CD8B2: variants seen among roughly 807,000 people sequenced by gnomAD.
CD8B2 encodes the protein T-cell surface glycoprotein CD8 beta-2 chain.
A neutral mutation model predicts 23.7 loss-of-function variants in CD8B2; 11 were observed. The ratio of observed to expected loss-of-function variants is 0.46; its 90% confidence interval spans 0.29 to 0.77. CD8B2 has a LOEUF of 0.77. Among genes scored for constraint, CD8B2 ranks in the 30% least tolerant of loss-of-function variants. The pLI is 0.09. For synonymous variants in CD8B2, 90 were observed against 109.3 expected (o/e 0.82, Z 1.10); for missense variants, 197 against 270.5 (o/e 0.73, Z 1.91).
chr2:106,534,094 C>A (rs1032397080), intron 5 of CD8B2, among the ~76,000 whole-genome samples: 3 of 152,236 alleles, frequency 2.0e-5, no homozygotes, highest in Admixed American at 6.5e-5. Context: ...AGAGCAGGAA[C>A]CACTGTGGGT....
At chr2:106,537,086 G>T (rs908891830) in intron 5 of CD8B2, among the ~76,000 whole-genome samples, 8 of 152,082 alleles carry the variant, frequency 5.3e-5, no homozygotes, top group African/African-American at 1.9e-4. Context: ...TCTGGTCTTC[G>T]TCACCACCCC....
intron 5 of CD8B2, chr2:106,537,953 T>A (rs1680114808): frequency 6.6e-6 from 1 of 152,104 alleles, no homozygotes; most frequent in African/African-American, 2.4e-5. Flanking sequence ...AAATGAGAAG[T>A]CTCTGTGAGG....
intron 2 of CD8B2, among the ~76,000 whole-genome samples, chr2:106,491,740 G>C (rs1679200589): frequency 1.3e-5 from 2 of 152,074 alleles, no homozygotes; most frequent in African/African-American, 4.8e-5. Flanking sequence ...GTGGAGACGA[G>C]ATTTCACCAT....
intron 5 of CD8B2, among the ~76,000 whole-genome samples, chr2:106,539,622 A>G (rs1680142302): frequency 6.6e-6 from 1 of 152,170 alleles, no homozygotes; most frequent in African/African-American, 2.4e-5. Context: ...TTTCACACAA[A>G]CACCAAAAAC....
At chr2:106,531,799 C>T (rs1319531473) in intron 5 of CD8B2, among the ~76,000 whole-genome samples, 2 of 152,200 alleles carry the variant, frequency 1.3e-5, no homozygotes, top group African/African-American at 4.8e-5. Context: ...ACCTTTTCCT[C>T]AAGGTCTACA....
intron 2 of CD8B2, among the ~76,000 whole-genome samples, chr2:106,495,508 C>T (rs1369069068): frequency 1.3e-5 from 2 of 152,092 alleles, no homozygotes; most frequent in African/African-American, 4.8e-5. Context: ...CACTGCCCTC[C>T]AGCCTGGGCT....
chr2:106,542,967 C>A (rs1680200571), intron 5 of CD8B2: 1 of 152,026 alleles, frequency 6.6e-6, no homozygotes, highest in Non-Finnish European at 1.5e-5. Flanking sequence ...GAAAGAGGAG[C>A]GCTCGGCCAT....
intron 5 of CD8B2, among the ~76,000 whole-genome samples, chr2:106,527,803 CA>C (rs1164963595): frequency 2.3e-4 from 6 of 25,860 alleles, no homozygotes; most frequent in African/African-American, 6.3e-4. Flanking sequence ...CAAAACAAAA[CA>C]AAAAACAAAC....
chr2:106,519,642 C>A (rs1227993694), intron 5 of CD8B2, among the ~76,000 whole-genome samples: 6 of 152,174 alleles, frequency 3.9e-5, no homozygotes, highest in African/African-American at 1.4e-4. Flanking sequence ...CATGCAGGCC[C>A]AGAGAGCAGA....
chr2:106,525,504 AG>A (rs1679893872), intron 5 of CD8B2, among the ~76,000 whole-genome samples: 1 of 152,222 alleles, frequency 6.6e-6, no homozygotes, highest in South Asian at 2.1e-4. Flanking sequence ...AGCATTTTAA[AG>A]TGAACAGTTC....
chr2:106,521,021 A>AGG (rs1183147601), intron 5 of CD8B2, among the ~76,000 whole-genome samples: 11 of 32,908 alleles, frequency 3.3e-4, no homozygotes, highest in East Asian at 1.9e-3. Flanking sequence ...TAATGTTTTA[A>AGG]GGGAGAGAGA....
At chr2:106,489,689 T>C (rs927168450) in intron 1 of CD8B2, among the ~76,000 whole-genome samples, 2 of 152,330 alleles carry the variant, frequency 1.3e-5, no homozygotes, top group Admixed American at 6.5e-5. Context: ...AGATTTAATT[T>C]ACTTCCAGTA....
chr2:106,542,064 G>C (rs534560827), intron 5 of CD8B2, among the ~76,000 whole-genome samples: 59 of 152,354 alleles, frequency 3.9e-4, no homozygotes, highest in African/African-American at 1.4e-3. Flanking sequence ...TGTCTTGACT[G>C]TTCCCTGTCT....
intron 5 of CD8B2, among the ~76,000 whole-genome samples, chr2:106,527,551 G>A (rs898202548): frequency 6.6e-6 from 1 of 152,228 alleles, no homozygotes; most frequent in African/African-American, 2.4e-5. Flanking sequence ...TCGGGAGACC[G>A]AGGTGGGTGG....
chr2:106,497,639 T>C lies in CD8B2; in HGVS notation c.493+1377T>C, dbSNP rs569260237. On this transcript the variant is annotated intron_variant, in intron 3 of 5. Coordinates refer to ENST00000643224, the MANE Select transcript of CD8B2 (RefSeq NM_001349727.2). ...AAATATTTTAAGTACCAGAAATTAT[T>C]GAGGACAGTACTGAATAGGATCTGG... Among the ~76,000 whole-genome samples the C allele has an allele frequency of 7.2e-5, 11 of 152,214 alleles. No individual in the cohort carries two copies. The South Asian group carries it at 1.2e-3, about 17-fold the overall frequency.
At chr2:106,495,412 G>A (rs1389950187) in intron 2 of CD8B2, among the ~76,000 whole-genome samples, 2 of 152,086 alleles carry the variant, frequency 1.3e-5, no homozygotes, top group Non-Finnish European at 2.9e-5. Flanking sequence ...AGTGGTACGC[G>A]CCTGTAATCC....
intron 5 of CD8B2, among the ~76,000 whole-genome samples, chr2:106,537,689 G>T (rs776495717): frequency 1.3e-4 from 20 of 152,216 alleles, no homozygotes; most frequent in Non-Finnish European, 2.2e-4. Flanking sequence ...GAAAAGAAGA[G>T]CATGGCTGTT....
chr2:106,525,967 C>T (rs1056467734), intron 5 of CD8B2, among the ~76,000 whole-genome samples: 2 of 152,160 alleles, frequency 1.3e-5, no homozygotes, highest in East Asian at 1.9e-4. Flanking sequence ...CTTGGCCCGG[C>T]GTGGTGGCTT....
chr2:106,543,164 C>T (rs2104579394), intron 5 of CD8B2: 1 of 152,256 alleles, frequency 6.6e-6, no homozygotes, highest in East Asian at 1.9e-4. Flanking sequence ...CTTTGTATCC[C>T]GACCGCCGGG....
Sources: allele counts gnomAD v4.1 joint callset (sites outside exome capture counted in the v4.1 genomes callset), GRCh38; gene constraint gnomAD v4.1.1; transcripts MANE v1.5; gene names NCBI Gene and HGNC (gene_info 2026-07-23, HGNC 2026-07-21).